UBE2D2: variants seen among roughly 807,000 people sequenced by gnomAD.
UBE2D2 encodes ubiquitin conjugating enzyme E2 D2.
UBE2D2 carries 2 observed loss-of-function variants against 24.2 expected under a neutral mutation model. The observed-to-expected ratio is 0.08, with a 90% confidence interval of 0.03 to 0.26. The LOEUF (loss-of-function observed/expected upper bound fraction) is 0.26, where lower values mean the gene tolerates loss of function less well. Ranked by LOEUF, UBE2D2 falls within the 10% of genes least tolerant of loss-of-function variation. The pLI, the probability that UBE2D2 is intolerant of heterozygous loss-of-function variation, is 1.00. For synonymous variants in UBE2D2, 58 were observed against 56.5 expected (o/e 1.03, Z -0.12); for missense variants, 44 against 177.6 (o/e 0.25, Z 4.28).
intron 5 of UBE2D2, among the ~76,000 whole-genome samples, chr5:139,617,612 GC>G (rs1166307718): frequency 6.6e-6 from 1 of 151,894 alleles, no homozygotes; most frequent in African/African-American, 2.4e-5. Flanking sequence ...GAAATTATCT[GC>G]TTATAATTTA....
At chr5:139,562,365 C>T in intron 1 of UBE2D2, 4 of 1,335,826 alleles carry the variant, frequency 3.0e-6, no homozygotes, top group Non-Finnish European at 3.0e-6. Context: ...CCCTGCTTGT[C>T]CAGAAACTGT....
chr5:139,563,211 A>C (rs1275280389), intron 1 of UBE2D2, among the ~76,000 whole-genome samples: 1 of 152,194 alleles, frequency 6.6e-6, no homozygotes, highest in East Asian at 1.9e-4. Flanking sequence ...TGATGATTTA[A>C]ACACCTCAGC....
intron 2 of UBE2D2, among the ~76,000 whole-genome samples, chr5:139,605,092 G>A (rs1302712602): frequency 6.6e-6 from 1 of 152,020 alleles, no homozygotes; most frequent in Admixed American, 6.6e-5. Context: ...AAATCCCTCA[G>A]TACCACATGT....
intron 1 of UBE2D2, among the ~76,000 whole-genome samples, chr5:139,596,443 G>A (rs371459153): frequency 7.2e-5 from 11 of 151,764 alleles, no homozygotes; most frequent in South Asian, 2.1e-4. Flanking sequence ...ACAGGTGTGC[G>A]CCACCACACC....
At chr5:139,603,718 C>A (rs1272530012) in intron 2 of UBE2D2, among the ~76,000 whole-genome samples, 1 of 150,906 alleles carries the variant, frequency 6.6e-6, no homozygotes, top group East Asian at 1.9e-4. Context: ...AGGTGGATTA[C>A]CTGAGGCCAG....
At chr5:139,587,672 CAAAA>C (rs766266617) in intron 1 of UBE2D2, among the ~76,000 whole-genome samples, 40 of 35,544 alleles carry the variant, frequency 1.1e-3, no homozygotes, top group Middle Eastern at 0.012. Flanking sequence ...GACCCCATCT[CAAAA>C]AAAAAAAAAA....
intron 1 of UBE2D2, among the ~76,000 whole-genome samples, chr5:139,565,747 G>A (rs1200035263): frequency 2.0e-5 from 3 of 152,146 alleles, no homozygotes; most frequent in African/African-American, 7.2e-5. Context: ...CTATACAGAT[G>A]TAGGAGGCTT....
chr5:139,553,062 G>A (rs995291047), intron 1 of UBE2D2, among the ~76,000 whole-genome samples: 12 of 151,644 alleles, frequency 7.9e-5, no homozygotes, highest in South Asian at 2.1e-4. Context: ...CAGGTGATCC[G>A]CCCGCCTTGG....
In UBE2D2 at chr5:139,540,137, G is replaced by A. The variant is rs1448406088; in HGVS notation, c.-64+13525G>A. 2.6e-5 allele frequency among the ~76,000 whole-genome samples: 4 copies of A among 151,370 alleles called. No individual in the cohort carries two copies. In the East Asian group the frequency reaches 5.8e-4, roughly 22 times the overall value. ...TTTCACCATGTTGGCCAGGCTGGTC[G>A]CAAACTCCCAACCTCAGGTGATCAG... On this transcript the variant is annotated intron_variant, in intron 1 of 6. Transcript: ENST00000511725.
intron 1 of UBE2D2, among the ~76,000 whole-genome samples, chr5:139,550,177 C>G (rs1752890275): frequency 6.6e-6 from 1 of 151,948 alleles, no homozygotes; most frequent in South Asian, 2.1e-4. Context: ...GTAAACACAC[C>G]AGTCAGCAGT....
intron 2 of UBE2D2, among the ~76,000 whole-genome samples, chr5:139,606,279 C>T (rs1159316818): frequency 3.2e-4 from 48 of 151,976 alleles, no homozygotes; most frequent in Non-Finnish European, 4.4e-5. Flanking sequence ...CTCCTGTCTC[C>T]GCCTCCCAAG....
intron 1 of UBE2D2, among the ~76,000 whole-genome samples, chr5:139,598,261 G>A (rs1237634018): frequency 6.6e-6 from 1 of 152,090 alleles, no homozygotes; most frequent in Non-Finnish European, 1.5e-5. Context: ...AGGATGAAAC[G>A]ACATAAGAGT....
At chr5:139,567,046 T>C (rs1351703212) in intron 1 of UBE2D2, among the ~76,000 whole-genome samples, 1 of 152,220 alleles carries the variant, frequency 6.6e-6, no homozygotes, top group Non-Finnish European at 1.5e-5. Flanking sequence ...ATTTAAACAA[T>C]ACTTTCTGTA....
intron 1 of UBE2D2, among the ~76,000 whole-genome samples, chr5:139,566,931 G>C (rs355151): frequency 0.027 from 4,110 of 150,230 alleles, 194 homozygotes; most frequent in African/African-American, 0.095. Flanking sequence ...AAAAAAAAAA[G>C]AACAACAAAA....
chr5:139,535,686 C>A (rs1266120441), intron 1 of UBE2D2, among the ~76,000 whole-genome samples: 2 of 152,124 alleles, frequency 1.3e-5, no homozygotes, highest in African/African-American at 4.8e-5. Flanking sequence ...GAAGGCTATG[C>A]CCCTATCAAA....
intron 6 of UBE2D2, 144 bp from the exon 7 acceptor site, chr5:139,626,612 A>T (rs1754634102): frequency 4.5e-6 from 3 of 672,844 alleles, no homozygotes; most frequent in Non-Finnish European, 5.3e-6. Context: ...ATTAATCCTT[A>T]TCAGAAATTT....
At chr5:139,533,181 A>G (rs991642734) in intron 1 of UBE2D2, among the ~76,000 whole-genome samples, 8 of 151,976 alleles carry the variant, frequency 5.3e-5, no homozygotes, top group African/African-American at 7.2e-5. Flanking sequence ...ACATACACAT[A>G]CACACTTTTT....
At chr5:139,536,893 AC>A (rs1752688019) in intron 1 of UBE2D2, among the ~76,000 whole-genome samples, 1 of 151,644 alleles carries the variant, frequency 6.6e-6, no homozygotes, top group Non-Finnish European at 1.5e-5. Flanking sequence ...AAAGTAGTAA[AC>A]CCAGGCTGGA....
chr5:139,573,235 G>C (rs1753392519), intron 1 of UBE2D2, among the ~76,000 whole-genome samples: 1 of 149,706 alleles, frequency 6.7e-6, no homozygotes, highest in Admixed American at 6.7e-5. Context: ...CTGGGAGGCG[G>C]AACTTGCAGT....
Sources: gnomAD v4.1 joint callset for allele counts (sites outside exome capture counted in the v4.1 genomes callset) on GRCh38, gnomAD v4.1.1 for gene constraint, MANE v1.5 for transcripts, NCBI Gene and HGNC (gene_info 2026-07-23, HGNC 2026-07-21) for gene names.